The following RCC2 variants were observed in gnomAD, a reference collection of about 807,000 sequenced individuals.
The protein encoded by RCC2 is regulator of chromosome condensation 2.
Under a neutral mutation model 64.1 loss-of-function variants are expected in RCC2, and 19 were observed. The ratio of observed to expected loss-of-function variants is 0.30; its 90% CI spans 0.21 to 0.44. The LOEUF is 0.44. Ranked by LOEUF, RCC2 falls within the 20% of genes least tolerant of loss-of-function variation. RCC2 has a pLI of 1.00. For missense variants in RCC2, 508 were observed against 710.4 expected, an observed-to-expected ratio of 0.72 and a Z score of 3.24; for synonymous variants, 325 against 279.6, an observed-to-expected ratio of 1.16 and a Z score of -1.62.
chr1:17,414,563 A>C (rs1216622759), intron 8 of RCC2, among the ~76,000 whole-genome samples: 14 of 149,610 alleles, frequency 9.4e-5, no homozygotes, highest in Admixed American at 6.7e-4. Flanking sequence ...AAAAAAAAAA[A>C]CACAACAAAA....
At chr1:17,429,037 A>T in intron 3 of RCC2, 69 bp downstream of exon 3, 2 of 1,187,950 alleles carry the variant, frequency 1.7e-6, no homozygotes, top group Non-Finnish European at 1.3e-6. Context: ...AATACCTACC[A>T]GGCAGGTGGT....
At chr1:17,416,781 G>A (rs1036215474) in intron 7 of RCC2, 135 bp from the exon 8 acceptor site, 3 of 782,162 alleles carry the variant, frequency 3.8e-6, no homozygotes, top group Middle Eastern at 3.9e-4. Context: ...AGCACACGTT[G>A]GTCAACAAAG....
Position 17,419,336 on chromosome 1 carries a change from G to A in RCC2, c.859+1378C>T, listed in dbSNP as rs145403341. On this transcript the variant is annotated intron_variant, in intron 7 of 12. Coordinates refer to ENST00000375436, the MANE Select transcript of RCC2 (RefSeq NM_018715.4). The stretch of plus-strand genomic sequence containing the variant: ...ATCACACCACTGCACTCCATCCCGG[G>A]TGACAGAGGGAGACTCCGTCTTTCT... 2.0e-3 allele frequency among the ~76,000 whole-genome samples: 304 copies of A among 152,332 alleles called. 2 individuals are homozygous for A. The highest frequency in any genetic ancestry group is 4.4e-3 in the Admixed American group (67 of 15,304).
chr1:17,418,130 G>T (rs1400373977), intron 7 of RCC2, among the ~76,000 whole-genome samples: 1 of 151,892 alleles, frequency 6.6e-6, no homozygotes, highest in African/African-American at 2.4e-5. Flanking sequence ...CTGCACCCTG[G>T]AATCACAACT....
At chr1:17,421,013 C>T (rs918012251) in intron 6 of RCC2, among the ~76,000 whole-genome samples, 185 bp from the exon 7 acceptor site, 7 of 152,096 alleles carry the variant, frequency 4.6e-5, no homozygotes, top group African/African-American at 1.7e-4. Context: ...TAAAGAAGCA[C>T]CCTCAGACCC....
intron 2 of RCC2, among the ~76,000 whole-genome samples, chr1:17,437,128 C>T (rs1219886410): frequency 7.2e-5 from 11 of 152,228 alleles, no homozygotes; most frequent in Non-Finnish European, 1.5e-5. Flanking sequence ...CCCTCGAATT[C>T]TGTGCCCCAG....
At chr1:17,438,126 A>C in intron 2 of RCC2, 104 bp downstream of exon 2, 1 of 853,760 alleles carries the variant, frequency 1.2e-6, no homozygotes, top group Non-Finnish European at 1.5e-6. Context: ...GCCGGGAGGG[A>C]GCGTGACGCG....
At chr1:17,413,990 C>T (rs2075454358) in intron 8 of RCC2, among the ~76,000 whole-genome samples, 1 of 152,078 alleles carries the variant, frequency 6.6e-6, no homozygotes, top group Non-Finnish European at 1.5e-5. Context: ...TATCCTTTGC[C>T]TGCCTCCAGC....
chr1:17,427,590 T>C (rs575780577), intron 3 of RCC2, among the ~76,000 whole-genome samples: 98 of 152,278 alleles, frequency 6.4e-4, no homozygotes, highest in African/African-American at 2.2e-3. Flanking sequence ...GATGGCATGA[T>C]TGACGAGTAT....
Position 17,407,878 on chromosome 1 carries a change from T to C in RCC2, c.*1212A>G, listed in dbSNP as rs2075378967. On this transcript the variant is annotated 3_prime_UTR_variant, in exon 13 of 13. Coordinates refer to ENST00000375436, the MANE Select transcript of RCC2 (RefSeq NM_018715.4). ...AAACCAAGAGCCCCAGCCACAGCTG[T>C]CGCCTCTCTTGGGTCCAGGCGAGAG... 1 of 152,642 alleles carries C rather than the reference T, an allele frequency of 6.6e-6. No individual in the cohort carries two copies. The highest frequency in any genetic ancestry group is 1.5e-5 in the Non-Finnish European group (1 of 68,080). The allele number at this position is 152,642 out of a possible 1,614,324, so 9.5% of individuals were successfully genotyped here.
intron 8 of RCC2, 71 bp downstream of exon 8, chr1:17,416,409 A>G (rs1387905943): frequency 6.6e-7 from 1 of 1,505,046 alleles, no homozygotes; most frequent in Non-Finnish European, 9.0e-7. Context: ...GCCAAGCGTC[A>G]GGAAACTTGA....
chr1:17,438,209 T>G, intron 2 of RCC2, 21 bp downstream of exon 2: 1 of 1,239,584 alleles, frequency 8.1e-7, no homozygotes, highest in Non-Finnish European at 1.0e-6. Context: ...CGCCCACCCG[T>G]CTACCCTGAC....
chr1:17,430,373 C>A (rs545751776), intron 2 of RCC2, among the ~76,000 whole-genome samples: 66 of 151,950 alleles, frequency 4.3e-4, no homozygotes, highest in Non-Finnish European at 7.7e-4. Context: ...AGCCTGTGGT[C>A]CCAGTTACTT....
intron 6 of RCC2, 147 bp from the exon 7 acceptor site, chr1:17,420,975 T>C (rs2100369435): frequency 3.2e-6 from 2 of 618,048 alleles, no homozygotes; most frequent in South Asian, 4.2e-5. Flanking sequence ...CTGAAGGCAT[T>C]TCTAGAACAC....
In RCC2 at chr1:17,407,184, G is replaced by T. The variant is rs1311642568; in HGVS notation, c.*1906C>A. ...AAGAGGCTGGCTGCCACGTTTACAT[G>T]AGGCCACCGAAGATCTAAGTCCAGC... On this transcript the variant is annotated 3_prime_UTR_variant, in exon 13 of 13. Coordinates refer to ENST00000375436, the MANE Select transcript of RCC2 (RefSeq NM_018715.4). 2 of 152,154 alleles carry T rather than the reference G, an allele frequency of 1.3e-5. No homozygotes were observed. The highest frequency in any genetic ancestry group is 2.9e-5 in the Non-Finnish European group (2 of 68,042). The allele number at this position is 152,154 out of a possible 1,614,324, so 9.4% of individuals were successfully genotyped here. A position where few individuals can be genotyped will look rare whatever the true frequency, so the allele number is the denominator to read the frequency against.
chr1:17,413,819 C>T, intron 8 of RCC2, 102 bp from the exon 9 acceptor site: 2 of 1,051,048 alleles, frequency 1.9e-6, no homozygotes, highest in Non-Finnish European at 2.8e-6. Context: ...ATGCTAAGGG[C>T]AAAGGAACAG....
At position 17,425,526 on chromosome 1, in the gene RCC2, C is replaced by T; in HGVS notation, c.523+15G>A. 2 of 1,591,082 alleles carry T rather than the reference C, an allele frequency of 1.3e-6. No homozygotes were observed. The highest frequency in any genetic ancestry group is 2.2e-5 in the South Asian group (2 of 89,144). On this transcript the variant is annotated intron_variant, in intron 4 of 12. Transcript: ENST00000375436. Reference sequence around the variant, plus strand: ...GACAGTGGTCCCCAGTGCCCAGCACCCGCACGGTACTCACCCCAGCTCCAC... The same window carrying T: ...GACAGTGGTCCCCAGTGCCCAGCACTCGCACGGTACTCACCCCAGCTCCAC...
Position 17,438,375 on chromosome 1 carries a change from C to T in RCC2, c.140G>A (p.Gly47Asp). 1 of 1,248,308 alleles carries T rather than the reference C, an allele frequency of 8.0e-7. No individual in the cohort carries two copies. The highest frequency in any genetic ancestry group is 1.0e-6 in the Non-Finnish European group (1 of 1,000,212). 77.3% of individuals were successfully genotyped at this position (1,248,308 alleles called of 1,614,324 possible). ...GTCCTCGTCGCCGCTGCTGCCGCCG[C>T]CGCTGCTGCTACTGCAGCGCTCGGG... ...ERPERCSSSS[G>D]GGSSGDEDGL... The change falls in exon 2 of 13, where the codon GGC (glycine) becomes GAC (aspartate). Residue 47 changes from glycine (G) to aspartate (D), a missense_variant. Gly to Asp is a moderately conservative substitution (Grantham distance 94). Transcript: ENST00000375436.
chr1:17,409,044 G>A lies in RCC2; in HGVS notation c.*46C>T, dbSNP rs1448657388. 39 of 1,362,108 alleles carry A rather than the reference G, an allele frequency of 2.9e-5. No homozygotes were observed. The highest frequency in any genetic ancestry group is 4.0e-5 in the Non-Finnish European group (38 of 950,622). The allele number at this position is 1,362,108 out of a possible 1,614,324, so 84.4% of individuals were successfully genotyped here. ...TTCCCGTCCCAGTGCACATGGAAAT[G>A]ACAGCTGCCGCGAGAGGTGTGGAGT... On this transcript the variant is annotated 3_prime_UTR_variant, in exon 13 of 13. Transcript: ENST00000375436.
Sources: allele counts gnomAD v4.1 joint callset (sites outside exome capture counted in the v4.1 genomes callset), GRCh38; gene constraint gnomAD v4.1.1; transcripts MANE v1.5; gene names NCBI Gene and HGNC (gene_info 2026-07-23, HGNC 2026-07-21).